RPH3A: variants seen among roughly 807,000 people sequenced by gnomAD.
RPH3A encodes the protein rabphilin-3A.
A neutral mutation model predicts 102.2 loss-of-function variants in RPH3A; 48 were observed. That is an observed-to-expected ratio of 0.47 (90% CI 0.37 to 0.60). The LOEUF (loss-of-function observed/expected upper bound fraction) is 0.60. RPH3A is among the 20% of genes least tolerant of loss of function. RPH3A has a pLI of 0.00. For synonymous variants in RPH3A, 310 were observed against 324.3 expected (o/e 0.96, Z 0.47); for missense variants, 781 against 910.1 (o/e 0.86, Z 1.83).
At chr12:112,770,948 G>A (rs1250932032) in intron 1 of RPH3A, among the ~76,000 whole-genome samples, 1 of 152,250 alleles carries the variant, frequency 6.6e-6, no homozygotes, top group South Asian at 2.1e-4. Flanking sequence ...AAATAAAATT[G>A]TGTTTCTCCT....
intron 5 of RPH3A, among the ~76,000 whole-genome samples, chr12:112,863,096 C>G (rs1054334686): frequency 6.6e-6 from 1 of 152,156 alleles, no homozygotes; most frequent in South Asian, 2.1e-4. Context: ...AAAAAAAACC[C>G]GAAGTGGAAA....
At chr12:112,621,613 C>T (rs1166165264) in intron 1 of RPH3A, among the ~76,000 whole-genome samples, 8 of 151,174 alleles carry the variant, frequency 5.3e-5, no homozygotes, top group South Asian at 4.2e-4. Flanking sequence ...AACTGCAAGG[C>T]GGCAGCGAGG....
At chr12:112,811,627 A>G (rs758797836) in intron 2 of RPH3A, among the ~76,000 whole-genome samples, 7 of 151,948 alleles carry the variant, frequency 4.6e-5, no homozygotes, top group Non-Finnish European at 1.0e-4. Context: ...CATGCATGTG[A>G]GGTGACTCAA....
At chr12:112,673,298 T>A (rs1267772653) in intron 1 of RPH3A, among the ~76,000 whole-genome samples, 5 of 152,092 alleles carry the variant, frequency 3.3e-5, no homozygotes, top group Admixed American at 2.6e-4. Context: ...TTGTTAGGAG[T>A]ATCATCATTT....
upstream of RPH3A, among the ~76,000 whole-genome samples, chr12:112,788,680 C>T (rs1328716276): frequency 1.3e-5 from 2 of 152,208 alleles, no homozygotes; most frequent in Non-Finnish European, 2.9e-5. Flanking sequence ...TATTGTCATT[C>T]CCTAAGGGAG....
intron 1 of RPH3A, among the ~76,000 whole-genome samples, chr12:112,636,330 C>T (rs1488152430): frequency 6.6e-6 from 1 of 152,164 alleles, no homozygotes; most frequent in African/African-American, 2.4e-5. Flanking sequence ...AGTCACATGG[C>T]CACATCTAGC....
At chr12:112,838,883 G>A (rs966806564) in intron 4 of RPH3A, among the ~76,000 whole-genome samples, 3 of 152,062 alleles carry the variant, frequency 2.0e-5, no homozygotes, top group East Asian at 1.9e-4. Context: ...CTTTTGTCTC[G>A]GGGTCCACCA....
chr12:112,725,788 T>TTGTTGTTGC (rs1468302602), intron 1 of RPH3A, among the ~76,000 whole-genome samples: 52 of 151,822 alleles, frequency 3.4e-4, no homozygotes, highest in African/African-American at 1.2e-3. Flanking sequence ...GTTGTTGTTG[T>TTGTTGTTGC]TGTTGTTGTT....
intron 1 of RPH3A, among the ~76,000 whole-genome samples, chr12:112,722,567 T>C (rs2040558592): frequency 1.3e-5 from 2 of 152,232 alleles, no homozygotes; most frequent in South Asian, 4.1e-4. Flanking sequence ...CAACTTCACT[T>C]GTGGACATGA....
chr12:112,895,561 GAA>G (rs2043166136), intron 20 of RPH3A: 1 of 464,994 alleles, frequency 2.2e-6, no homozygotes, highest in East Asian at 3.1e-5. Flanking sequence ...AGAATTCACT[GAA>G]AAGAGGATGA....
intron 1 of RPH3A, among the ~76,000 whole-genome samples, chr12:112,715,292 C>G (rs1421236872): frequency 6.6e-6 from 1 of 152,170 alleles, no homozygotes; most frequent in Non-Finnish European, 1.5e-5. Flanking sequence ...GAAGCCCTCC[C>G]TGAAACCACT....
chr12:112,843,413 G>T (rs979071666), intron 4 of RPH3A, among the ~76,000 whole-genome samples: 3 of 152,180 alleles, frequency 2.0e-5, no homozygotes, highest in African/African-American at 4.8e-5. Context: ...ATGGGGGAAG[G>T]GTTTGGAAAG....
At chr12:112,657,554 C>A (rs752386938) in intron 1 of RPH3A, among the ~76,000 whole-genome samples, 2 of 151,908 alleles carry the variant, frequency 1.3e-5, no homozygotes, top group Non-Finnish European at 2.9e-5. Flanking sequence ...ATGAGTAATG[C>A]GTTATGCTAT....
At chr12:112,653,905 CTT>C (rs915478419) in intron 1 of RPH3A, among the ~76,000 whole-genome samples, 1 of 152,058 alleles carries the variant, frequency 6.6e-6, no homozygotes, top group East Asian at 1.9e-4. Flanking sequence ...ACTTTTTAAA[CTT>C]TTTTTTGTTA....
At chr12:112,579,284 G>C (rs1250898954) in intron 1 of RPH3A, among the ~76,000 whole-genome samples, 1 of 152,172 alleles carries the variant, frequency 6.6e-6, no homozygotes, top group African/African-American at 2.4e-5. Context: ...CTTGAGCACC[G>C]ATTCTGAGTC....
chr12:112,811,631 G>T (rs1030114710), intron 2 of RPH3A, among the ~76,000 whole-genome samples: 4 of 151,982 alleles, frequency 2.6e-5, no homozygotes, highest in Non-Finnish European at 5.9e-5. Flanking sequence ...CATGTGAGGT[G>T]ACTCAAACAT....
Position 112,895,897 on chromosome 12 carries a change from A to G in RPH3A, c.1954+24A>G, listed in dbSNP as rs201505410. The G allele has an allele frequency of 2.0e-6, 3 of 1,529,396 alleles. No homozygotes were observed. In the Admixed American group the frequency reaches 5.0e-5, roughly 26 times the overall value. 94.7% of individuals were successfully genotyped at this position (1,529,396 alleles called of 1,614,324 possible). A position where few individuals can be genotyped will look rare whatever the true frequency, so the allele number is the denominator to read the frequency against. On this transcript the variant is annotated intron_variant, in intron 21 of 21. Transcript: ENST00000389385. ...CGGTGAGTGTTCCTAACTCCAGAGA[A>G]AACGCCCTCTTCTGTCCTCCCCAGA...
chr12:112,796,715 G>C lies in RPH3A; in HGVS notation c.-19+4452G>C, dbSNP rs113689266. Among the ~76,000 whole-genome samples, 78 of 152,336 alleles carry C rather than the reference G, an allele frequency of 5.1e-4. 2 individuals carry two copies. Among genetic ancestry groups the C allele is most frequent in the African/African-American group, 1.9e-3 (78 of 41,570 alleles). On this transcript the variant is annotated intron_variant, in intron 2 of 21. Coordinates refer to ENST00000389385, the MANE Select transcript of RPH3A (RefSeq NM_001143854.2). ...CACATTTATTGACTACCTACAGTAT[G>C]CCTGGCACCATGATGGGCATTGGGA...
intron 2 of RPH3A, among the ~76,000 whole-genome samples, chr12:112,811,922 G>C (rs1160303497): frequency 6.6e-6 from 1 of 152,102 alleles, no homozygotes; most frequent in African/African-American, 2.4e-5. Flanking sequence ...CTCAACAATA[G>C]GCTAGAACTG....
Sources: allele counts gnomAD v4.1 joint callset (sites outside exome capture counted in the v4.1 genomes callset), GRCh38; gene constraint gnomAD v4.1.1; transcripts MANE v1.5; gene names NCBI Gene and HGNC (gene_info 2026-07-23, HGNC 2026-07-21).